The following DPP6 variants were observed in gnomAD, a reference collection of about 807,000 sequenced individuals.
DPP6 encodes A-type potassium channel modulatory protein DPP6.
In DPP6, 69 loss-of-function variants were observed where a neutral mutation model predicts 122.6. That is an observed-to-expected ratio of 0.56 (90% CI 0.46 to 0.69). The LOEUF is 0.69. DPP6 is among the 30% of genes least tolerant of loss of function. The pLI is 0.00. For missense variants in DPP6, 928 were observed against 1,116.9 expected, an observed-to-expected ratio of 0.83 and a Z score of 2.41; for synonymous variants, 418 against 433.1, an observed-to-expected ratio of 0.97 and a Z score of 0.43.
At chr7:154,859,039 G>A (rs968646784) in intron 17 of DPP6, among the ~76,000 whole-genome samples, 3 of 152,138 alleles carry the variant, frequency 2.0e-5, no homozygotes, top group African/African-American at 7.2e-5. Flanking sequence ...GATACCAGAT[G>A]TCTGACAAGG....
the DPP6 span, among the ~76,000 whole-genome samples, chr7:153,860,462 C>A: frequency 2.1e-4 from 32 of 152,254 alleles, no homozygotes; most frequent in African/African-American, 7.7e-4. Context: ...ACTCCCTGCC[C>A]ACCCATTCCC....
chr7:153,890,580 A>G (rs1388252313), intron 1 of DPP6, among the ~76,000 whole-genome samples: 2 of 152,122 alleles, frequency 1.3e-5, no homozygotes, highest in African/African-American at 4.8e-5. Context: ...TTCTGAGTAC[A>G]GCTAGAGGAT....
At chr7:154,817,633 A>T (rs1312717736) in intron 16 of DPP6, among the ~76,000 whole-genome samples, 1 of 152,192 alleles carries the variant, frequency 6.6e-6, no homozygotes, top group Non-Finnish European at 1.5e-5. Context: ...TCATGAGTGA[A>T]TGATTAATGT....
At chr7:154,253,124 C>T (rs1225580348) in intron 1 of DPP6, among the ~76,000 whole-genome samples, 5 of 152,080 alleles carry the variant, frequency 3.3e-5, no homozygotes, top group Non-Finnish European at 5.9e-5. Flanking sequence ...TGACATAGAG[C>T]GATCACATCA....
intron 1 of DPP6, among the ~76,000 whole-genome samples, chr7:154,377,988 A>T (rs867488573): frequency 1.3e-5 from 2 of 152,180 alleles, no homozygotes; most frequent in Admixed American, 1.3e-4. Flanking sequence ...CTAAGTTGAA[A>T]TCTTAGGGAC....
Position 154,889,176 on chromosome 7 carries a change from C to T in DPP6, c.2305-96C>T, listed in dbSNP as rs57890314. 4.1e-3 allele frequency: 6,141 copies of T among 1,505,144 alleles called. 218 individuals are homozygous for T. The African/African-American group carries it at 0.076, about 19-fold the overall frequency. The allele number at this position is 1,505,144 out of a possible 1,614,324, so 93.2% of individuals were successfully genotyped here. On this transcript the variant is annotated intron_variant, in intron 23 of 25. Coordinates refer to ENST00000377770, the MANE Select transcript of DPP6 (RefSeq NM_130797.4). The stretch of plus-strand genomic sequence containing the variant: ...CTCCGGGAACTTAGTGTTTTCAATA[C>T]ACTTCACCTACCTTCTCAGTCAGGT...
intron 1 of DPP6, among the ~76,000 whole-genome samples, chr7:154,404,593 G>A (rs1385146859): frequency 6.6e-6 from 1 of 152,222 alleles, no homozygotes; most frequent in Admixed American, 6.5e-5. Context: ...TAGGAATGAT[G>A]ACCAGGTCGA....
intron 16 of DPP6, among the ~76,000 whole-genome samples, chr7:154,811,566 CT>C (rs1468710526): frequency 1.3e-5 from 2 of 152,166 alleles, no homozygotes; most frequent in African/African-American, 4.8e-5. Context: ...AAGGTACACC[CT>C]GAGAAAAAGC....
chr7:153,921,273 A>G (rs1800626376), intron 1 of DPP6, among the ~76,000 whole-genome samples: 1 of 152,236 alleles, frequency 6.6e-6, no homozygotes, highest in Non-Finnish European at 1.5e-5. Context: ...TCTCCTCCTC[A>G]GGCCTCTAGG....
intron 1 of DPP6, among the ~76,000 whole-genome samples, chr7:154,349,743 G>A (rs1475434188): frequency 2.0e-5 from 3 of 152,158 alleles, no homozygotes; most frequent in South Asian, 4.1e-4. Flanking sequence ...CATCCAAACC[G>A]GACCTTCTAT....
At chr7:154,796,102 G>GGAACT in intron 12 of DPP6, 1 of 643,850 alleles carries the variant, frequency 1.6e-6, no homozygotes, top group Non-Finnish European at 2.5e-6. Context: ...GGAGGGTCGT[G>GGAACT]TGAAAATCAC....
intron 1 of DPP6, among the ~76,000 whole-genome samples, chr7:154,090,715 T>C (rs1804745074): frequency 6.6e-6 from 1 of 150,602 alleles, no homozygotes; most frequent in Non-Finnish European, 1.5e-5. Context: ...GTGGAACTGG[T>C]AAGAAAAGCT....
intron 3 of DPP6, among the ~76,000 whole-genome samples, chr7:154,488,692 G>A (rs182775570): frequency 6.6e-6 from 1 of 151,890 alleles, no homozygotes; most frequent in Admixed American, 6.6e-5. Flanking sequence ...CGAGGCCATC[G>A]TCTCTACACA....
the DPP6 span, among the ~76,000 whole-genome samples, chr7:153,816,355 A>G: frequency 6.6e-6 from 1 of 152,010 alleles, no homozygotes; most frequent in African/African-American, 2.4e-5. Context: ...AAATTAAAAA[A>G]TCAGGCAAAA....
chr7:154,669,684 A>T (rs902362922), intron 7 of DPP6, among the ~76,000 whole-genome samples: 1 of 152,154 alleles, frequency 6.6e-6, no homozygotes, highest in Admixed American at 6.5e-5. Flanking sequence ...TACATCTGAC[A>T]TGGTTAAAGT....
chr7:154,326,479 C>T (rs11773122), intron 1 of DPP6, among the ~76,000 whole-genome samples: 22,214 of 152,030 alleles, frequency 0.15, 2,142 homozygotes, highest in African/African-American at 0.26. Flanking sequence ...TTAAGAAATG[C>T]GATATGAATA....
At chr7:154,292,734 T>C (rs1585848247) in intron 1 of DPP6, among the ~76,000 whole-genome samples, 1 of 152,192 alleles carries the variant, frequency 6.6e-6, no homozygotes, top group Non-Finnish European at 1.5e-5. Flanking sequence ...CAGAGTCTCG[T>C]TTTTGATTTC....
At chr7:154,822,299 G>A (rs1799845353) in intron 16 of DPP6, among the ~76,000 whole-genome samples, 1 of 152,196 alleles carries the variant, frequency 6.6e-6, no homozygotes, top group African/African-American at 2.4e-5. Context: ...GTTCCAGAGG[G>A]TGGGAAGCCC....
At chr7:154,196,175 T>A (rs1798856343) in intron 1 of DPP6, among the ~76,000 whole-genome samples, 1 of 152,198 alleles carries the variant, frequency 6.6e-6, no homozygotes, top group Non-Finnish European at 1.5e-5. Context: ...ACAGCTGGAA[T>A]GTAATCTTGC....
Sources: gnomAD v4.1 joint callset for allele counts (sites outside exome capture counted in the v4.1 genomes callset) on GRCh38, gnomAD v4.1.1 for gene constraint, MANE v1.5 for transcripts, NCBI Gene and HGNC (gene_info 2026-07-23, HGNC 2026-07-21) for gene names.